The following GLT1D1 variants were observed in gnomAD, a reference collection of about 807,000 sequenced individuals.
GLT1D1 encodes glycosyltransferase 1 domain containing 1.
In GLT1D1, 21 loss-of-function variants were observed where a neutral mutation model predicts 28.7. The observed-to-expected ratio is 0.73, with a 90% CI of 0.52 to 1.05. The LOEUF is 1.05. Ranked by LOEUF, GLT1D1 falls within the 50% of genes least tolerant of loss-of-function variation. The pLI is 0.00. For missense variants in GLT1D1, 343 were observed against 330.6 expected, an observed-to-expected ratio of 1.04 and a Z score of -0.29; for synonymous variants, 147 against 124.8, an observed-to-expected ratio of 1.18 and a Z score of -1.19.
At chr12:128,947,002 G>GA (rs1034973228) in intron 5 of GLT1D1, among the ~76,000 whole-genome samples, 1 of 151,952 alleles carries the variant, frequency 6.6e-6, no homozygotes, top group Non-Finnish European at 1.5e-5. Flanking sequence ...AGAATTATTT[G>GA]AAAAAAAGTT....
chr12:128,887,996 G>C (rs1868589236), intron 2 of GLT1D1, among the ~76,000 whole-genome samples: 1 of 151,860 alleles, frequency 6.6e-6, no homozygotes, highest in African/African-American at 2.4e-5. Flanking sequence ...TGTTCATCAA[G>C]GAAGCAGGGA....
intron 4 of GLT1D1, among the ~76,000 whole-genome samples, chr12:128,912,118 G>A (rs1449180453): frequency 1.3e-5 from 2 of 152,194 alleles, no homozygotes; most frequent in Admixed American, 6.5e-5. Context: ...CTGAACTTCA[G>A]TAATGTCTCC....
chr12:128,898,513 C>T (rs544910171), intron 3 of GLT1D1, among the ~76,000 whole-genome samples: 1 of 152,206 alleles, frequency 6.6e-6, no homozygotes, highest in African/African-American at 2.4e-5. Flanking sequence ...TGTTTGTCAC[C>T]CAATTATATG....
intron 7 of GLT1D1, among the ~76,000 whole-genome samples, chr12:128,969,109 C>G (rs1157201444): frequency 1.3e-5 from 2 of 151,696 alleles, no homozygotes; most frequent in Non-Finnish European, 2.9e-5. Context: ...GTCTGTGTCT[C>G]TCTCTGTCTC....
chr12:128,874,114 CTCTCTCTCTCTCTTTCTTTCTT>C (rs1256022547), intron 1 of GLT1D1, among the ~76,000 whole-genome samples: 52 of 62,924 alleles, frequency 8.3e-4, no homozygotes, highest in African/African-American at 3.1e-3. Flanking sequence ...CTCTCTCTCT[CTCTCTCTCTCTCTTTCTTTCTT>C]TCTTTCTTTC....
chr12:128,921,897 T>A (rs1872691743), intron 4 of GLT1D1, among the ~76,000 whole-genome samples: 1 of 151,462 alleles, frequency 6.6e-6, no homozygotes, highest in Admixed American at 6.7e-5. Context: ...CTTTGTAGAT[T>A]GTTTGTTTGT....
chr12:128,875,943 G>A lies in GLT1D1; in HGVS notation c.98G>A (p.Cys33Tyr). ...CATCTAGAGGCTGCAGGGCACGTGT[G>A]CGTTTTGAAGGATGCCTTTGACTTT... is the stretch of plus-strand genomic sequence containing the variant. The change falls in exon 2 of 8, where the codon TGC (cysteine) becomes TAC (tyrosine). Residue 33 changes from cysteine to tyrosine, a missense_variant. Cys to Tyr is a radical substitution (Grantham distance 194). Coordinates refer to ENST00000281703, the MANE Select transcript of GLT1D1 (RefSeq NM_144669.3). The A allele has an allele frequency of 1.2e-6, 2 of 1,614,086 alleles. No homozygotes were observed. Among genetic ancestry groups the A allele is most frequent in the Non-Finnish European group, 1.7e-6 (2 of 1,179,984 alleles).
intron 1 of GLT1D1, among the ~76,000 whole-genome samples, chr12:128,867,131 C>T (rs892544313): frequency 1.3e-5 from 2 of 151,546 alleles, no homozygotes; most frequent in Non-Finnish European, 1.5e-5. Flanking sequence ...CAGTGGCTCA[C>T]GCCTGTAATC....
intron 7 of GLT1D1, among the ~76,000 whole-genome samples, chr12:128,974,058 C>G (rs113075474): frequency 1.3e-5 from 2 of 151,922 alleles, no homozygotes; most frequent in South Asian, 2.1e-4. Flanking sequence ...ATGTGTTAAC[C>G]TCAGGCAGGT....
chr12:128,982,514 C>G (rs1880416682), intron 7 of GLT1D1, among the ~76,000 whole-genome samples: 1 of 152,124 alleles, frequency 6.6e-6, no homozygotes, highest in Admixed American at 6.6e-5. Context: ...GTATGGGGCT[C>G]AGACTCTGGG....
At chr12:128,976,486 G>T (rs966211757) in intron 7 of GLT1D1, among the ~76,000 whole-genome samples, 2 of 152,200 alleles carry the variant, frequency 1.3e-5, no homozygotes, top group African/African-American at 4.8e-5. Flanking sequence ...GATCTTTAAC[G>T]ACGGCGGCCT....
At chr12:128,861,652 G>A (rs892722140) in intron 1 of GLT1D1, among the ~76,000 whole-genome samples, 3 of 152,190 alleles carry the variant, frequency 2.0e-5, no homozygotes, top group African/African-American at 7.2e-5. Context: ...TTCTCCATCT[G>A]GAACGGAGAG....
At chr12:128,926,888 A>G (rs969491236) in intron 4 of GLT1D1, among the ~76,000 whole-genome samples, 1 of 152,234 alleles carries the variant, frequency 6.6e-6, no homozygotes, top group Non-Finnish European at 1.5e-5. Context: ...AGAAATCTGG[A>G]CAATGGATAA....
chr12:128,923,807 A>C (rs1334339784), intron 4 of GLT1D1, among the ~76,000 whole-genome samples: 2 of 152,120 alleles, frequency 1.3e-5, no homozygotes, highest in East Asian at 3.9e-4. Context: ...GGCGTGAGCC[A>C]CTGCGTCTGG....
intron 7 of GLT1D1, among the ~76,000 whole-genome samples, chr12:128,960,545 G>A (rs1593192960): frequency 6.6e-6 from 1 of 152,040 alleles, no homozygotes; most frequent in African/African-American, 2.4e-5. Context: ...ATTGCCAGAG[G>A]TTAGGAGTTC....
At chr12:128,909,463 G>A (rs1871306143) in intron 4 of GLT1D1, among the ~76,000 whole-genome samples, 5 of 151,940 alleles carry the variant, frequency 3.3e-5, no homozygotes, top group Admixed American at 3.3e-4. Context: ...TATATGTATG[G>A]GCCATCATTT....
chr12:128,885,604 C>G (rs1957158075), intron 2 of GLT1D1, among the ~76,000 whole-genome samples: 1 of 152,180 alleles, frequency 6.6e-6, no homozygotes, highest in African/African-American at 2.4e-5. Flanking sequence ...CATGCCTGTT[C>G]TAGGCGGAGA....
At chr12:128,874,674 G>A (rs1378575807) in intron 1 of GLT1D1, among the ~76,000 whole-genome samples, 1 of 151,936 alleles carries the variant, frequency 6.6e-6, no homozygotes, top group Non-Finnish European at 1.5e-5. Context: ...TATAGAGACA[G>A]GGTTTCACCA....
chr12:128,872,985 T>C (rs139477381), intron 1 of GLT1D1, among the ~76,000 whole-genome samples: 3 of 152,094 alleles, frequency 2.0e-5, no homozygotes, highest in African/African-American at 7.2e-5. Flanking sequence ...AGCCTTGAAT[T>C]CCTGGACTCA....
Sources: allele counts gnomAD v4.1 joint callset (sites outside exome capture counted in the v4.1 genomes callset), GRCh38; gene constraint gnomAD v4.1.1; transcripts MANE v1.5; gene names NCBI Gene and HGNC (gene_info 2026-07-23, HGNC 2026-07-21).